INO80C: variants seen among roughly 807,000 people sequenced by gnomAD.
INO80C encodes the protein INO80 complex subunit C, also known as IES6 homolog.
INO80C carries 17 observed loss-of-function variants against 17.7 expected under a neutral mutation model. The ratio of observed to expected loss-of-function variants is 0.96; its 90% confidence interval spans 0.66 to 1.44. The LOEUF is 1.44. Ranked by LOEUF, INO80C falls within the 40% of genes most tolerant of loss-of-function variation. The probability of loss-of-function intolerance (pLI) is 0.00; values close to 1 mark genes in which losing one functional copy is unlikely to be tolerated. For synonymous variants in INO80C, 96 were observed against 95.8 expected (o/e 1.00, Z -0.01); for missense variants, 244 against 245.0 (o/e 1.00, Z 0.03).
chr18:35,469,439 C>T (rs1298249726), intron 4 of INO80C, among the ~76,000 whole-genome samples: 2 of 152,180 alleles, frequency 1.3e-5, no homozygotes, highest in Admixed American at 1.3e-4. Flanking sequence ...AGCCACATGT[C>T]CCCACTCTCT....
At position 35,468,653 on chromosome 18, in the gene INO80C, G is replaced by C; in HGVS notation, c.537C>G (p.Thr179=). The change falls in exon 5 of 5, where the codon ACC becomes ACG. Residue 179 remains threonine, a synonymous_variant. Coordinates refer to ENST00000334598, the MANE Select transcript of INO80C (RefSeq NM_194281.4). The part of the protein sequence containing the change: ...YIRRLPSDVV[T]GYLALRKATS... The stretch of plus-strand genomic sequence containing the variant: ...TGGCCTTCCTCAGGGCCAGGTAGCC[G>C]GTGACGACGTCAGAGGGCAGCCTCC... 6.2e-7 allele frequency: 1 copy of C among 1,614,010 alleles called. No individual in the cohort carries two copies. Among genetic ancestry groups the C allele is most frequent in the Non-Finnish European group, 8.5e-7 (1 of 1,179,978 alleles).
intron 1 of INO80C, among the ~76,000 whole-genome samples, chr18:35,492,978 T>C (rs1328208686): frequency 6.6e-6 from 1 of 152,246 alleles, no homozygotes; most frequent in African/African-American, 2.4e-5. Flanking sequence ...TAATTAATAA[T>C]CTTCTAATAT....
intron 1 of INO80C, among the ~76,000 whole-genome samples, chr18:35,494,172 T>G (rs547863202): frequency 6.6e-6 from 1 of 152,338 alleles, no homozygotes; most frequent in African/African-American, 2.4e-5. Context: ...TTACCTATAA[T>G]TAGCTTTGGC....
chr18:35,486,056 C>T (rs1321668637), intron 1 of INO80C, among the ~76,000 whole-genome samples: 1 of 152,218 alleles, frequency 6.6e-6, no homozygotes, highest in Non-Finnish European at 1.5e-5. Flanking sequence ...TTCAAGGTTA[C>T]AGTATGCTAT....
At chr18:35,485,984 C>T (rs1387457729) in intron 1 of INO80C, among the ~76,000 whole-genome samples, 2 of 152,140 alleles carry the variant, frequency 1.3e-5, no homozygotes, top group Non-Finnish European at 2.9e-5. Flanking sequence ...AAAAAAGTAA[C>T]CAGTTGTGGT....
intron 1 of INO80C, among the ~76,000 whole-genome samples, chr18:35,493,263 C>T (rs1301048465): frequency 6.6e-6 from 1 of 152,168 alleles, no homozygotes; most frequent in African/African-American, 2.4e-5. Context: ...ATTATTTATC[C>T]TTATTCCTTT....
At chr18:35,478,489 T>TTAG (rs1291674486) in intron 3 of INO80C, 140 bp from the exon 4 acceptor site, 5 of 677,770 alleles carry the variant, frequency 7.4e-6, no homozygotes, top group Non-Finnish European at 1.2e-5. Flanking sequence ...TCTCTGGAGA[T>TTAG]TAACTAGAGA....
intron 1 of INO80C, chr18:35,496,792 C>G (rs1193923440): frequency 3.3e-5 from 5 of 152,218 alleles, no homozygotes; most frequent in Non-Finnish European, 7.3e-5. Context: ...TCTCAAAGTG[C>G]TGGGATACAG....
intron 4 of INO80C, among the ~76,000 whole-genome samples, chr18:35,476,551 T>C (rs190480168): frequency 1.3e-5 from 2 of 152,204 alleles, no homozygotes; most frequent in East Asian, 1.9e-4. Context: ...TAAAAAACGC[T>C]CAATAAATCC....
chr18:35,496,796 G>A (rs2045986039), intron 1 of INO80C: 1 of 152,220 alleles, frequency 6.6e-6, no homozygotes, highest in Non-Finnish European at 1.5e-5. Context: ...AAAGTGCTGG[G>A]ATACAGGCGT....
Position 35,497,898 on chromosome 18 carries a change from C to G in INO80C, c.-24G>C, listed in dbSNP as rs202020627. 1,774 of 1,514,184 alleles carry G rather than the reference C, an allele frequency of 1.2e-3. 2 individuals carry two copies. Among genetic ancestry groups the G allele is most frequent in the Non-Finnish European group, 1.5e-3 (1,664 of 1,129,970 alleles). The allele number at this position is 1,514,184 out of a possible 1,614,324, so 93.8% of individuals were successfully genotyped here. A position where few individuals can be genotyped will look rare whatever the true frequency, so the allele number is the denominator to read the frequency against. On this transcript the variant is annotated 5_prime_UTR_variant, in exon 1 of 5. Transcript: ENST00000334598. ...ATCGCACTCCGAGTCTTCCCCTGGT[C>G]CCCCCACCTTTTTCCCAGCGCGGGC...
At chr18:35,496,450 GA>G in intron 1 of INO80C, among the ~76,000 whole-genome samples, 1 of 152,336 alleles carries the variant, frequency 6.6e-6, no homozygotes, top group East Asian at 1.9e-4. Flanking sequence ...TGTTAGGAAG[GA>G]AAGACAGTAC....
chr18:35,497,265 AG>A, intron 1 of INO80C: 4 of 915,928 alleles, frequency 4.4e-6, no homozygotes, highest in Non-Finnish European at 5.2e-6. Context: ...GGGTCAAAAA[AG>A]CACTTTTCTC....
intron 3 of INO80C, 94 bp from the exon 4 acceptor site, chr18:35,478,443 C>A: frequency 1.0e-6 from 1 of 997,864 alleles, no homozygotes; most frequent in Non-Finnish European, 1.5e-6. Flanking sequence ...GATAATATTC[C>A]TGAAAATTTC....
rs1246692896 is a variant in INO80C at position 35,481,069 on chromosome 18, GT to G, written c.157-507del. ...GTCTTAAAATATTAAGACAACAAAG[GT>G]CCAGCCCCTTTAAGGGTCTAGTTGG... On this transcript the variant is annotated intron_variant, in intron 1 of 4. Transcript: ENST00000334598. 2.6e-5 allele frequency among the ~76,000 whole-genome samples: 4 copies of G among 152,086 alleles called. No individual in the cohort carries two copies. The East Asian group carries it at 7.7e-4, about 29-fold the overall frequency.
intron 1 of INO80C, among the ~76,000 whole-genome samples, chr18:35,487,050 T>C (rs945670150): frequency 6.6e-6 from 1 of 152,118 alleles, no homozygotes; most frequent in Non-Finnish European, 1.5e-5. Flanking sequence ...GATACTTCAA[T>C]ACAAACATGA....
intron 4 of INO80C, among the ~76,000 whole-genome samples, chr18:35,478,063 G>C (rs760007548): frequency 1.2e-4 from 18 of 152,162 alleles, no homozygotes; most frequent in Non-Finnish European, 2.5e-4. Flanking sequence ...AGGTAAAGAA[G>C]AGAAGCTGGA....
In INO80C at chr18:35,478,354, G is replaced by T; in HGVS notation, c.380-5C>A. ...GAGGAGCATCAATACTGAAGTCTGGGAAAAAAAAAAAAAAAAGATAACTAA... is the reference window on the plus strand; with the variant it reads ...GAGGAGCATCAATACTGAAGTCTGGTAAAAAAAAAAAAAAAAGATAACTAA... On this transcript the variant is annotated splice_region_variant and splice_polypyrimidine_tract_variant and intron_variant, in intron 3 of 4. Transcript: ENST00000334598. 10 of 1,279,450 alleles carry T rather than the reference G, an allele frequency of 7.8e-6. No individual in the cohort carries two copies. The highest frequency in any genetic ancestry group is 1.5e-5 in the South Asian group (1 of 67,946). 79.3% of individuals were successfully genotyped at this position (1,279,450 alleles called of 1,614,324 possible). A position where few individuals can be genotyped will look rare whatever the true frequency, so the allele number is the denominator to read the frequency against.
At position 35,480,554 on chromosome 18, in the gene INO80C, T is replaced by C; in HGVS notation, c.166A>G (p.Met56Val). 6.2e-7 allele frequency: 1 copy of C among 1,608,524 alleles called. No homozygotes were observed. The highest frequency in any genetic ancestry group is 1.1e-5 in the South Asian group (1 of 90,990). Residue 56 changes from methionine to valine, a missense_variant, in exon 2 of 5, where the codon ATG (methionine) becomes GTG (valine). Met to Val is a conservative substitution (Grantham distance 21, BLOSUM62 1). Coordinates refer to ENST00000334598, the MANE Select transcript of INO80C (RefSeq NM_194281.4). ...SASSFAQGIS[M>V]EAMSENKMVP... ...ATTTTATTCTCACTCATGGCTTCCA[T>C]GCTGATACCCTTAAAACATAATAAA...
Sources: allele counts gnomAD v4.1 joint callset (sites outside exome capture counted in the v4.1 genomes callset), GRCh38; gene constraint gnomAD v4.1.1; transcripts MANE v1.5; gene names NCBI Gene and HGNC (gene_info 2026-07-23, HGNC 2026-07-21).